The following SEC24B variants were observed in gnomAD, a reference collection of about 807,000 sequenced individuals.
SEC24B encodes the protein protein transport protein Sec24B.
A neutral mutation model predicts 142.8 loss-of-function variants in SEC24B; 45 were observed. That is an observed-to-expected ratio of 0.32 (90% confidence interval 0.25 to 0.40). The LOEUF is 0.40. Ranked by LOEUF, SEC24B falls within the 10% of genes least tolerant of loss-of-function variation. The pLI, the probability that SEC24B is intolerant of heterozygous loss-of-function variation, is 1.00. For synonymous variants in SEC24B, 574 were observed against 568.2 expected (o/e 1.01, Z -0.15); for missense variants, 1,409 against 1,526.8 (o/e 0.92, Z 1.29).
rs72896668 is a variant in SEC24B at position 109,459,960 on chromosome 4, C to T, written c.134-2941C>T. 3.7e-3 allele frequency among the ~76,000 whole-genome samples: 566 copies of T among 152,094 alleles called. 5 individuals are homozygous for T. The highest frequency in any genetic ancestry group is 0.013 in the African/African-American group (546 of 41,506). ...AAGGAGGACAACATTTTACTTTTGTCGTGTTAATGAAAGATCCTAACAGAC... is the reference window on the plus strand; with the variant it reads ...AAGGAGGACAACATTTTACTTTTGTTGTGTTAATGAAAGATCCTAACAGAC... On this transcript the variant is annotated intron_variant, in intron 1 of 23. Transcript: ENST00000265175.
intron 6 of SEC24B, among the ~76,000 whole-genome samples, chr4:109,498,656 G>A (rs1735787766): frequency 6.6e-6 from 1 of 152,150 alleles, no homozygotes; most frequent in Non-Finnish European, 1.5e-5. Context: ...GACCCACCAC[G>A]CCTGGCTCAT....
At chr4:109,474,269 C>T (rs1043742939) in intron 3 of SEC24B, among the ~76,000 whole-genome samples, 7 of 152,096 alleles carry the variant, frequency 4.6e-5, no homozygotes, top group Admixed American at 1.3e-4. Flanking sequence ...TTGTTTATCA[C>T]AAATCAAAAA....
chr4:109,498,808 G>A (rs1026474091), intron 6 of SEC24B, among the ~76,000 whole-genome samples: 5 of 151,818 alleles, frequency 3.3e-5, no homozygotes, highest in African/African-American at 1.2e-4. Context: ...GCTTTTCTTT[G>A]TATTGATTAA....
chr4:109,452,273 AAGT>A (rs1335183939), intron 1 of SEC24B, among the ~76,000 whole-genome samples: 1 of 152,142 alleles, frequency 6.6e-6, no homozygotes, highest in African/African-American at 2.4e-5. Context: ...TGTTATTGCT[AAGT>A]AGTATTCTGT....
At chr4:109,452,327 T>C (rs34441811) in intron 1 of SEC24B, among the ~76,000 whole-genome samples, 26,582 of 152,218 alleles carry the variant, frequency 0.17, 2,617 homozygotes, top group African/African-American at 0.27. Flanking sequence ...TCCTCTGTTA[T>C]CAGACATCTT....
chr4:109,496,025 CTGATA>C (rs1177750605), intron 6 of SEC24B, among the ~76,000 whole-genome samples: 1 of 152,096 alleles, frequency 6.6e-6, no homozygotes, highest in Non-Finnish European at 1.5e-5. Flanking sequence ...AGTTTAACAA[CTGATA>C]TGATATTTAT....
At chr4:109,491,242 A>G in intron 4 of SEC24B, 85 bp from the exon 5 acceptor site, 1 of 1,062,764 alleles carries the variant, frequency 9.4e-7, no homozygotes, top group Non-Finnish European at 1.4e-6. Flanking sequence ...TAGTTCCGCA[A>G]AAACATCTTT....
chr4:109,473,192 T>A lies in SEC24B; in HGVS notation c.1060+6T>A, dbSNP rs769479147. 6.4e-7 allele frequency: 1 copy of A among 1,552,216 alleles called. No individual in the cohort carries two copies. The highest frequency in any genetic ancestry group is 2.0e-5 in the Admixed American group (1 of 51,010). ...AGAGCTATTACAACAAAAAGGTATT[T>A]GAGATATTTATTATTGTATATGCAC... On this transcript the variant is annotated splice_donor_region_variant and intron_variant, in intron 3 of 23. Transcript: ENST00000265175.
At chr4:109,445,242 G>GTTTTTTTTTTTTTTTTTTTTTT (rs70949078) in intron 1 of SEC24B, among the ~76,000 whole-genome samples, 1 of 112,780 alleles carries the variant, frequency 8.9e-6, no homozygotes, top group African/African-American at 3.8e-5. Flanking sequence ...TTCTTTCTTT[G>GTTTTTTTTTTTTTTTTTTTTTT]TTTTTTTTTT....
intron 22 of SEC24B, among the ~76,000 whole-genome samples, chr4:109,536,779 T>C (rs1298284882): frequency 6.6e-6 from 1 of 151,998 alleles, no homozygotes; most frequent in Non-Finnish European, 1.5e-5. Context: ...TCCCCCCACC[T>C]CGGCCTCCCA....
chr4:109,516,062 GTATT>G (rs1722829178), intron 10 of SEC24B, among the ~76,000 whole-genome samples: 1 of 151,898 alleles, frequency 6.6e-6, no homozygotes, highest in Non-Finnish European at 1.5e-5. Context: ...AAAAAGAAAA[GTATT>G]TATAATACCA....
chr4:109,496,382 T>G (rs907192451), intron 6 of SEC24B, among the ~76,000 whole-genome samples: 1 of 152,194 alleles, frequency 6.6e-6, no homozygotes, highest in South Asian at 2.1e-4. Flanking sequence ...CAAAGTGTGC[T>G]GGGATTACAG....
chr4:109,526,007 T>C (rs17040505), intron 16 of SEC24B, among the ~76,000 whole-genome samples: 3,582 of 152,266 alleles, frequency 0.024, 64 homozygotes, highest in Non-Finnish European at 0.039. Context: ...TAAATAAGGT[T>C]AGGTGTCAAT....
At chr4:109,436,271 T>C (rs1295914861) in intron 1 of SEC24B, among the ~76,000 whole-genome samples, 1 of 152,102 alleles carries the variant, frequency 6.6e-6, no homozygotes, top group Non-Finnish European at 1.5e-5. Flanking sequence ...CTTTTTGTTT[T>C]GTTTGCTAAT....
intron 6 of SEC24B, among the ~76,000 whole-genome samples, chr4:109,501,826 C>T (rs1366380523): frequency 6.6e-6 from 1 of 152,172 alleles, no homozygotes; most frequent in African/African-American, 2.4e-5. Context: ...GAAGTTTATT[C>T]CTACTCTGTG....
chr4:109,437,267 G>A (rs1442381542), intron 1 of SEC24B, among the ~76,000 whole-genome samples: 1 of 152,076 alleles, frequency 6.6e-6, no homozygotes, highest in Non-Finnish European at 1.5e-5. Flanking sequence ...TGAGAGTAGA[G>A]TGAAAGAAGT....
rs765126274 is a variant in SEC24B, at chr4:109,513,793, G to T, written c.1950G>T (p.Glu650Asp). ...MYNPLTRSYG[E>D]PHKRPEVQNS... ...ACCCCCTTACCCGATCTTATGGAGA[G>T]CCTCATAAACGACCAGAAGTTCAGA... Residue 650 changes from glutamate to aspartate, a missense_variant, in exon 10 of 24, where the codon GAG becomes GAT. Glu to Asp is a conservative substitution (Grantham distance 45). This residue lies in a region of SEC24B where 700 missense variants were observed against 853.3 expected (regional missense o/e 0.82). Transcript: ENST00000265175. The T allele has an allele frequency of 1.9e-6, 3 of 1,613,364 alleles. No individual in the cohort carries two copies. The highest frequency in any genetic ancestry group is 4.5e-5 in the East Asian group (2 of 44,816).
At chr4:109,487,165 CAA>C (rs372133489) in intron 4 of SEC24B, among the ~76,000 whole-genome samples, 20 of 54,168 alleles carry the variant, frequency 3.7e-4, no homozygotes, top group Admixed American at 7.8e-4. Context: ...GACTCTGTCT[CAA>C]AAAAAAAAAA....
At chr4:109,532,075 T>G (rs575572879) in intron 20 of SEC24B, among the ~76,000 whole-genome samples, 99 of 152,106 alleles carry the variant, frequency 6.5e-4, no homozygotes, top group African/African-American at 2.2e-3. Context: ...CAGGCTGGCC[T>G]CAAACTCCTG....
Sources: allele counts gnomAD v4.1 joint callset (sites outside exome capture counted in the v4.1 genomes callset), GRCh38; gene constraint gnomAD v4.1.1; regional missense constraint gnomAD v4.1.1; transcripts MANE v1.5; gene names NCBI Gene and HGNC (gene_info 2026-07-23, HGNC 2026-07-21).